Variants in IL1R2 observed in about 807,000 individuals in gnomAD.
IL1R2 encodes interleukin 1 receptor type 2, also known as interleukin-1 receptor type 2.
A neutral mutation model predicts 39.5 loss-of-function variants in IL1R2; 46 were observed. The observed-to-expected ratio is 1.16, with a 90% CI of 0.92 to 1.49. The LOEUF (loss-of-function observed/expected upper bound fraction) is 1.49. Among genes scored for constraint, IL1R2 ranks in the 40% most tolerant of loss-of-function variants. IL1R2 has a pLI of 0.00. For synonymous variants in IL1R2, 207 were observed against 189.6 expected, an observed-to-expected ratio of 1.09 and a Z score of -0.75; for missense variants, 537 against 502.0, an observed-to-expected ratio of 1.07 and a Z score of -0.67.
chr2:102,008,365 C>T (rs186226846), intron 1 of IL1R2, 150 bp from the exon 2 acceptor site: 166 of 567,110 alleles, frequency 2.9e-4, no homozygotes, highest in Non-Finnish European at 4.5e-4. Flanking sequence ...AGAAACAAAT[C>T]CAAAAATTTT....
chr2:101,997,586 G>T (rs976798747), intron 1 of IL1R2, among the ~76,000 whole-genome samples: 1 of 152,108 alleles, frequency 6.6e-6, no homozygotes, highest in African/African-American at 2.4e-5. Context: ...AGGTCATCTT[G>T]TCTTTCATCA....
chr2:101,999,697 C>T (rs1386873128), intron 1 of IL1R2, among the ~76,000 whole-genome samples: 1 of 152,124 alleles, frequency 6.6e-6, no homozygotes, highest in African/African-American at 2.4e-5. Context: ...ATGTGTTTGC[C>T]TAAGATCACA....
At position 102,026,256 on chromosome 2, in the gene IL1R2, A is replaced by T; in HGVS notation, c.1030+3A>T. 6.2e-7 allele frequency: 1 copy of T among 1,605,164 alleles called. No individual in the cohort carries two copies. The highest frequency in any genetic ancestry group is 2.2e-5 in the East Asian group (1 of 44,792). ...ACTACGCACCACAGTCAAGGAAGGT[A>T]TGTATGTATTTTGGGGAGCACTATA... On this transcript the variant is annotated splice_donor_region_variant and intron_variant, in intron 8 of 8. Coordinates refer to ENST00000332549, the MANE Select transcript of IL1R2 (RefSeq NM_004633.4).
chr2:101,998,722 T>A (rs533678288), intron 1 of IL1R2, among the ~76,000 whole-genome samples: 1 of 152,298 alleles, frequency 6.6e-6, no homozygotes, highest in East Asian at 1.9e-4. Context: ...ACCAATGCCC[T>A]ACATGTGGCC....
intron 1 of IL1R2, among the ~76,000 whole-genome samples, chr2:102,004,487 T>G (rs1376040112): frequency 1.5e-5 from 2 of 131,638 alleles, no homozygotes; most frequent in Non-Finnish European, 3.1e-5. Flanking sequence ...AACATGGTTA[T>G]TTGACAAAAA....
Position 102,019,739 on chromosome 2 carries a change from C to T in IL1R2, c.615C>T (p.Tyr205=), listed in dbSNP as rs759182529. ...HDVALEDAGY[Y]RCVLTFAHEG... ...TGGCCCTGGAAGATGCTGGCTATTA[C>T]CGCTGTGTCCTGACATTTGCCCATG... The change falls in exon 5 of 9, where the codon TAC becomes TAT. Residue 205 remains tyrosine (Y), a synonymous_variant. Transcript: ENST00000332549. 3.7e-6 allele frequency: 6 copies of T among 1,614,002 alleles called. No homozygotes were observed. The highest frequency in any genetic ancestry group is 5.1e-6 in the Non-Finnish European group (6 of 1,179,970).
intron 5 of IL1R2, among the ~76,000 whole-genome samples, chr2:102,021,307 T>TTC (rs1425919552): frequency 9.8e-5 from 14 of 143,138 alleles, no homozygotes; most frequent in Non-Finnish European, 1.1e-4. Flanking sequence ...TTTCTTTTCT[T>TTC]TTTTTTTTTT....
At chr2:102,015,094 A>T (rs1676911412) in intron 3 of IL1R2, among the ~76,000 whole-genome samples, 1 of 152,206 alleles carries the variant, frequency 6.6e-6, no homozygotes, top group Admixed American at 6.5e-5. Flanking sequence ...TCAGTTGGTA[A>T]ATCATTCCCC....
chr2:102,002,394 C>T (rs28694894), intron 1 of IL1R2, among the ~76,000 whole-genome samples: 5,784 of 148,370 alleles, frequency 0.039, 364 homozygotes, highest in African/African-American at 0.13. Context: ...AGGTCTAGGT[C>T]TGTGTCTGTG....
At chr2:102,012,987 C>T (rs1260070609) in intron 3 of IL1R2, among the ~76,000 whole-genome samples, 2 of 152,126 alleles carry the variant, frequency 1.3e-5, no homozygotes, top group African/African-American at 4.8e-5. Flanking sequence ...TGTGAGATCA[C>T]AGAATGTGAA....
At chr2:102,006,762 T>C (rs1260279877) in intron 1 of IL1R2, among the ~76,000 whole-genome samples, 1 of 151,996 alleles carries the variant, frequency 6.6e-6, no homozygotes, top group East Asian at 1.9e-4. Flanking sequence ...GCCAGAAGAG[T>C]CAGGCATGGC....
At chr2:101,996,357 T>A (rs1675586264) in intron 1 of IL1R2, among the ~76,000 whole-genome samples, 1 of 152,116 alleles carries the variant, frequency 6.6e-6, no homozygotes, top group Non-Finnish European at 1.5e-5. Context: ...CCTCTGGGGC[T>A]TTTTGGGTCT....
chr2:102,004,001 G>GTCTATT (rs1559414177), intron 1 of IL1R2, among the ~76,000 whole-genome samples: 1 of 131,996 alleles, frequency 7.6e-6, no homozygotes, highest in Admixed American at 7.1e-5. Context: ...CTATGTCTAT[G>GTCTATT]TCTATGTCTA....
intron 5 of IL1R2, among the ~76,000 whole-genome samples, chr2:102,020,818 GT>G (rs1677334168): frequency 6.6e-6 from 1 of 152,206 alleles, no homozygotes; most frequent in South Asian, 2.1e-4. Flanking sequence ...CTACATGCCT[GT>G]CTGTGTTGTG....
At chr2:102,015,767 T>C (rs1676956701) in intron 3 of IL1R2, 104 bp from the exon 4 acceptor site, 1 of 900,972 alleles carries the variant, frequency 1.1e-6, no homozygotes, top group Non-Finnish European at 1.7e-6. Flanking sequence ...ATCCAGAAAA[T>C]GCAGATGCAG....
chr2:102,022,648 C>G (rs1010977598), intron 6 of IL1R2, among the ~76,000 whole-genome samples: 3 of 152,218 alleles, frequency 2.0e-5, no homozygotes, highest in African/African-American at 7.2e-5. Flanking sequence ...CGCTCTGCCT[C>G]TCTCTAAGAC....
chr2:102,006,719 G>C (rs1299743409), intron 1 of IL1R2, among the ~76,000 whole-genome samples: 1 of 152,206 alleles, frequency 6.6e-6, no homozygotes, highest in Non-Finnish European at 1.5e-5. Flanking sequence ...CAAGACCAGG[G>C]CTCTGCCCCA....
intron 3 of IL1R2, 170 bp downstream of exon 3, chr2:102,009,996 A>C: frequency 1.3e-6 from 1 of 741,534 alleles, no homozygotes; most frequent in Non-Finnish European, 2.2e-6. Context: ...CTACAGTCTC[A>C]TTCTGTCTCC....
intron 1 of IL1R2, among the ~76,000 whole-genome samples, chr2:101,995,833 G>T (rs1675560407): frequency 6.6e-6 from 1 of 152,212 alleles, no homozygotes; most frequent in Non-Finnish European, 1.5e-5. Context: ...CCAGCAGTGG[G>T]ACGCCCATTG....
Sources: allele counts gnomAD v4.1 joint callset (sites outside exome capture counted in the v4.1 genomes callset), GRCh38; gene constraint gnomAD v4.1.1; transcripts MANE v1.5; gene names NCBI Gene and HGNC (gene_info 2026-07-23, HGNC 2026-07-21).